The following VPS13D variants were observed in gnomAD, a reference collection of about 807,000 sequenced individuals.
VPS13D encodes intermembrane lipid transfer protein VPS13D.
Under a neutral mutation model 461.9 loss-of-function variants are expected in VPS13D, and 187 were observed. That is an observed-to-expected ratio of 0.40 (90% CI 0.36 to 0.46). VPS13D has a LOEUF of 0.46. Among genes scored for constraint, VPS13D ranks in the 20% least tolerant of loss-of-function variants. VPS13D has a pLI of 0.60. For missense variants in VPS13D, 4,711 were observed against 5,364.9 expected (o/e 0.88, Z 3.81); for synonymous variants, 1,951 against 1,986.3 (o/e 0.98, Z 0.47).
intron 61 of VPS13D, among the ~76,000 whole-genome samples, chr1:12,400,797 A>T (rs1644564720): frequency 6.6e-6 from 1 of 152,248 alleles, no homozygotes; most frequent in African/African-American, 2.4e-5. Flanking sequence ...TATAAAAAAT[A>T]CAAAAATTAG....
chr1:12,366,169 A>G (rs1395610052), intron 52 of VPS13D, among the ~76,000 whole-genome samples: 4 of 152,190 alleles, frequency 2.6e-5, no homozygotes, highest in Non-Finnish European at 4.4e-5. Flanking sequence ...CTGGCCTCCC[A>G]AAGTGCTAGG....
In VPS13D at chr1:12,234,345, T is replaced by G; in HGVS notation, c.79T>G (p.Ser27Ala). Residue 27 changes from serine to alanine, a missense_variant, in exon 2 of 70, where the codon TCA becomes GCA. Ser to Ala is a moderately conservative substitution (Grantham distance 99). Coordinates refer to ENST00000620676, the MANE Select transcript of VPS13D (RefSeq NM_015378.4). ...YVNNLNTDQL[S>A]VALLKGAVEL... Reference sequence around the variant, plus strand: ...CAATAACCTGAACACTGACCAGCTCTCAGTTGCACTTCTCAAAGGTGAGTA... The same window carrying G: ...CAATAACCTGAACACTGACCAGCTCGCAGTTGCACTTCTCAAAGGTGAGTA... The G allele has an allele frequency of 6.2e-7, 1 of 1,613,944 alleles. No homozygotes were observed. Among genetic ancestry groups the G allele is most frequent in the Non-Finnish European group, 8.5e-7 (1 of 1,179,874 alleles).
intron 36 of VPS13D, among the ~76,000 whole-genome samples, chr1:12,328,643 C>CGATT (rs1330286670): frequency 6.6e-6 from 1 of 152,102 alleles, no homozygotes; most frequent in Admixed American, 6.5e-5. Flanking sequence ...TGGGTTCAAG[C>CGATT]GATTCTTCTG....
intron 32 of VPS13D, among the ~76,000 whole-genome samples, chr1:12,320,404 G>A (rs1275317625): frequency 1.3e-5 from 2 of 152,182 alleles, no homozygotes; most frequent in Admixed American, 1.3e-4. Flanking sequence ...TTTGGTCGGG[G>A]TTCCTTTTGC....
intron 22 of VPS13D, among the ~76,000 whole-genome samples, chr1:12,289,343 A>G (rs1269366010): frequency 6.6e-6 from 1 of 152,158 alleles, no homozygotes; most frequent in Non-Finnish European, 1.5e-5. Flanking sequence ...TTGGCCTCCC[A>G]AAGTGCTGGG....
intron 36 of VPS13D, 28 bp from the exon 37 acceptor site, chr1:12,329,801 G>A (rs370656776): frequency 1.0e-5 from 16 of 1,604,440 alleles, no homozygotes; most frequent in East Asian, 2.2e-5. Flanking sequence ...CTGCCCTGCC[G>A]CTGCAGTAAG....
At chr1:12,282,609 A>G (rs1248137812) in intron 20 of VPS13D, 96 bp from the exon 21 acceptor site, 2 of 1,199,510 alleles carry the variant, frequency 1.7e-6, no homozygotes, top group Non-Finnish European at 2.4e-6. Context: ...TTACAGCCTC[A>G]TGTAGGAATC....
At chr1:12,457,334 G>A (rs1300468158) in intron 66 of VPS13D, among the ~76,000 whole-genome samples, 1 of 152,076 alleles carries the variant, frequency 6.6e-6, no homozygotes, top group Non-Finnish European at 1.5e-5. Flanking sequence ...ATCCTACTCA[G>A]CCTGTAAGTC....
intron 60 of VPS13D, among the ~76,000 whole-genome samples, chr1:12,390,933 TA>T (rs1406718508): frequency 1.3e-5 from 2 of 152,190 alleles, no homozygotes; most frequent in Non-Finnish European, 2.9e-5. Context: ...ACTTAGTTGT[TA>T]AAATCCTCCT....
intron 15 of VPS13D, 149 bp from the exon 16 acceptor site, chr1:12,268,557 A>T (rs960865450): frequency 1.1e-5 from 10 of 899,490 alleles, no homozygotes; most frequent in Non-Finnish European, 1.7e-5. Context: ...AATCCTGATG[A>T]GGCTTTCTAT....
At chr1:12,254,936 A>C (rs1443023478) in intron 7 of VPS13D, among the ~76,000 whole-genome samples, 6 of 150,872 alleles carry the variant, frequency 4.0e-5, no homozygotes, top group Admixed American at 4.0e-4. Context: ...ACTATTGTAC[A>C]TGATGGCTTT....
chr1:12,438,676 T>G (rs1645092123), intron 65 of VPS13D, among the ~76,000 whole-genome samples: 1 of 152,114 alleles, frequency 6.6e-6, no homozygotes, highest in Non-Finnish European at 1.5e-5. Context: ...AAAAGAAGAA[T>G]TAGATAATGA....
At chr1:12,272,423 G>GTA in intron 17 of VPS13D, among the ~76,000 whole-genome samples, 1 of 151,528 alleles carries the variant, frequency 6.6e-6, no homozygotes, top group Non-Finnish European at 1.5e-5. Context: ...GTGTGTGTGT[G>GTA]TGTGTGTTTC....
chr1:12,280,695 G>A (rs1053347402), intron 20 of VPS13D, among the ~76,000 whole-genome samples: 40 of 151,968 alleles, frequency 2.6e-4, no homozygotes, highest in African/African-American at 8.4e-4. Flanking sequence ...CACCACATTG[G>A]CCAGGCTGGT....
At chr1:12,294,965 G>A (rs976623508) in intron 24 of VPS13D, among the ~76,000 whole-genome samples, 16 of 151,896 alleles carry the variant, frequency 1.1e-4, no homozygotes, top group African/African-American at 3.6e-4. Flanking sequence ...GCTCACACCT[G>A]TAATCCCAGC....
At chr1:12,438,976 C>T (rs115572807) in intron 65 of VPS13D, among the ~76,000 whole-genome samples, 126 of 152,260 alleles carry the variant, frequency 8.3e-4, no homozygotes, top group Admixed American at 1.7e-3. Flanking sequence ...ATATCCCTCC[C>T]GCGCCCACCT....
At chr1:12,342,844 GAGAGGGAGCTGGGA>G (rs1643600728) in intron 41 of VPS13D, 41 bp from the exon 42 acceptor site, 1 of 1,546,294 alleles carries the variant, frequency 6.5e-7, no homozygotes, top group Non-Finnish European at 8.8e-7. Context: ...GGGCTCCTGT[GAGAGGGAGCTGGGA>G]AGAAACAGGG....
chr1:12,390,367 C>T (rs916698781), intron 60 of VPS13D, among the ~76,000 whole-genome samples: 18 of 152,186 alleles, frequency 1.2e-4, no homozygotes, highest in African/African-American at 3.4e-4. Context: ...AAGGCCATTT[C>T]ACCATTCTAT....
intron 68 of VPS13D, among the ~76,000 whole-genome samples, 183 bp from the exon 69 acceptor site, chr1:12,506,670 A>G (rs546070970): frequency 2.6e-5 from 4 of 152,390 alleles, no homozygotes; most frequent in African/African-American, 9.6e-5. Flanking sequence ...TAAGCTATCC[A>G]AAAATGCTCA....
Sources: allele counts gnomAD v4.1 joint callset (sites outside exome capture counted in the v4.1 genomes callset), GRCh38; gene constraint gnomAD v4.1.1; transcripts MANE v1.5; gene names NCBI Gene and HGNC (gene_info 2026-07-23, HGNC 2026-07-21).